Variants in NTRK2 observed in about 807,000 individuals in gnomAD.
NTRK2 encodes neurotrophic receptor tyrosine kinase 2.
Under a neutral mutation model 94.5 loss-of-function variants are expected in NTRK2, and 13 were observed. That is an observed-to-expected ratio of 0.14 (90% confidence interval 0.09 to 0.22). NTRK2 has a LOEUF of 0.22. Among genes scored for constraint, NTRK2 ranks in the 10% least tolerant of loss-of-function variants. The pLI is 1.00. For missense variants in NTRK2, 639 were observed against 1,071.2 expected (o/e 0.60, Z 5.63); for synonymous variants, 372 against 407.4 (o/e 0.91, Z 1.05).
At chr9:84,770,390 G>A (rs904407184) in intron 12 of NTRK2, among the ~76,000 whole-genome samples, 3 of 152,092 alleles carry the variant, frequency 2.0e-5, no homozygotes, top group African/African-American at 7.2e-5. Flanking sequence ...GCTCTCTGTA[G>A]AATCAGGCTG....
intron 12 of NTRK2, among the ~76,000 whole-genome samples, chr9:84,767,600 G>A (rs987576311): frequency 2.6e-5 from 4 of 152,116 alleles, no homozygotes; most frequent in African/African-American, 9.7e-5. Flanking sequence ...CACACATTTA[G>A]CCTAGGAATG....
chr9:84,857,416 T>G (rs2075119590), intron 12 of NTRK2, among the ~76,000 whole-genome samples: 1 of 152,244 alleles, frequency 6.6e-6, no homozygotes. Context: ...CTACTCCCCA[T>G]GGATGAAACA....
At chr9:84,909,337 G>T (rs1268087384) in intron 14 of NTRK2, among the ~76,000 whole-genome samples, 1 of 152,010 alleles carries the variant, frequency 6.6e-6, no homozygotes, top group Non-Finnish European at 1.5e-5. Flanking sequence ...AAGGACATCT[G>T]GGTTGTTTTT....
chr9:84,912,800 T>C (rs1178608185), intron 14 of NTRK2, among the ~76,000 whole-genome samples: 1 of 151,876 alleles, frequency 6.6e-6, no homozygotes, highest in African/African-American at 2.4e-5. Flanking sequence ...GTATTTTTAG[T>C]AGAGACAGGG....
At chr9:84,820,385 A>T (rs2072725094) in intron 12 of NTRK2, among the ~76,000 whole-genome samples, 1 of 151,784 alleles carries the variant, frequency 6.6e-6, no homozygotes, top group East Asian at 1.9e-4. Context: ...GGCCAGGCTG[A>T]TCTTGAACTC....
intron 12 of NTRK2, among the ~76,000 whole-genome samples, chr9:84,774,661 G>A (rs1310323178): frequency 6.6e-6 from 1 of 152,226 alleles, no homozygotes; most frequent in Non-Finnish European, 1.5e-5. Flanking sequence ...AGCAAATGGA[G>A]CTTTCCATAG....
chr9:84,790,355 G>C (rs1468825801), intron 12 of NTRK2, among the ~76,000 whole-genome samples: 1 of 152,152 alleles, frequency 6.6e-6, no homozygotes, highest in African/African-American at 2.4e-5. Context: ...GCTGTTCTAA[G>C]CAGTGGATAA....
chr9:84,706,916 G>C (rs1223394830), intron 4 of NTRK2, among the ~76,000 whole-genome samples: 1 of 152,080 alleles, frequency 6.6e-6, no homozygotes, highest in Non-Finnish European at 1.5e-5. Flanking sequence ...ACTTCCTCCG[G>C]TTTGTAGAGG....
At chr9:84,763,962 T>G (rs554866161) in intron 12 of NTRK2, among the ~76,000 whole-genome samples, 1 of 152,294 alleles carries the variant, frequency 6.6e-6, no homozygotes, top group East Asian at 1.9e-4. Context: ...TCTGTCTCTG[T>G]GTGATTGTTT....
At chr9:84,767,305 C>T (rs2066130239) in intron 12 of NTRK2, among the ~76,000 whole-genome samples, 1 of 152,112 alleles carries the variant, frequency 6.6e-6, no homozygotes, top group African/African-American at 2.4e-5. Flanking sequence ...ATTTTTCCTC[C>T]TCACAATGGT....
intron 2 of NTRK2, among the ~76,000 whole-genome samples, chr9:84,685,577 G>A (rs2059663452): frequency 6.6e-6 from 1 of 152,014 alleles, no homozygotes. Context: ...AAAGCCCCGT[G>A]TCCTCAAATT....
At chr9:84,980,097 G>A (rs1277354290) in intron 17 of NTRK2, among the ~76,000 whole-genome samples, 1 of 152,128 alleles carries the variant, frequency 6.6e-6, no homozygotes, top group Non-Finnish European at 1.5e-5. Flanking sequence ...ATATCTCTGA[G>A]GCATGTCTGT....
chr9:84,710,705 A>C lies in NTRK2; in HGVS notation c.497A>C (p.Lys166Thr), dbSNP rs762413234. The change falls in exon 6 of 19, where the codon AAA (lysine) becomes ACA (threonine). Residue 166 changes from lysine (K) to threonine (T), a missense_variant. Lys to Thr is a moderately conservative substitution (Grantham distance 78, BLOSUM62 -1). Transcript: ENST00000277120. ...IMWIKTLQEA[K>T]SSPDTQDLYC... is the part of the protein sequence containing the mutation. ...TGGATCAAGACTCTCCAAGAGGCTA[A>C]ATCCAGTCCAGACACTCAGGATTTG... is the stretch of plus-strand genomic sequence containing the variant. 2 of 1,614,148 alleles carry C rather than the reference A, an allele frequency of 1.2e-6. No homozygotes were observed. The highest frequency in any genetic ancestry group is 2.2e-5 in the South Asian group (2 of 91,074).
intron 13 of NTRK2, among the ~76,000 whole-genome samples, chr9:84,862,540 CT>C (rs1299233797): frequency 1.3e-5 from 2 of 152,222 alleles, no homozygotes; most frequent in African/African-American, 4.8e-5. Flanking sequence ...CAGCAGAGAG[CT>C]CTTCAGAATT....
chr9:84,747,597 C>G (rs2064203693), intron 11 of NTRK2, among the ~76,000 whole-genome samples: 2 of 151,674 alleles, frequency 1.3e-5, no homozygotes, highest in African/African-American at 4.8e-5. Flanking sequence ...CCTGCCTCAG[C>G]CTCCCGAGTA....
chr9:85,013,748 C>T (rs1831901387), intron 17 of NTRK2, among the ~76,000 whole-genome samples: 1 of 152,198 alleles, frequency 6.6e-6, no homozygotes, highest in Non-Finnish European at 1.5e-5. Flanking sequence ...GGAGCCCCTT[C>T]AATATTTAAT....
In NTRK2 at chr9:84,892,222, C is replaced by T. The variant is rs551288143; in HGVS notation, c.1633+24791C>T. Among the ~76,000 whole-genome samples, 71 of 152,294 alleles carry T rather than the reference C, an allele frequency of 4.7e-4. 1 individual carries two copies. The South Asian group carries it at 0.014, about 29-fold the overall frequency. ...GCTACACAGGATTGTATATTACACT[C>T]ACTCCTGTAGGGCCCAGAGAGAGGC... On this transcript the variant is annotated intron_variant, in intron 14 of 18. Transcript: ENST00000277120.
At chr9:84,796,118 CAGAT>C (rs2133281527) in intron 12 of NTRK2, among the ~76,000 whole-genome samples, 1 of 152,258 alleles carries the variant, frequency 6.6e-6, no homozygotes, top group South Asian at 2.1e-4. Context: ...ACCACTTAAA[CAGAT>C]AGGTTTTTTT....
chr9:84,681,396 CTAAG>C (rs1049968634), intron 2 of NTRK2, among the ~76,000 whole-genome samples: 25 of 152,278 alleles, frequency 1.6e-4, no homozygotes, highest in Admixed American at 1.0e-3. Flanking sequence ...ATCCATTTTC[CTAAG>C]TATTTCCTAA....
Sources: gnomAD v4.1 joint callset for allele counts (sites outside exome capture counted in the v4.1 genomes callset) on GRCh38, gnomAD v4.1.1 for gene constraint, MANE v1.5 for transcripts, NCBI Gene and HGNC (gene_info 2026-07-23, HGNC 2026-07-21) for gene names.